ZBBX: variants seen among roughly 807,000 people sequenced by gnomAD.
The protein encoded by ZBBX is zinc finger B-box domain containing, also known as zinc finger B-box domain-containing protein 1.
Under a neutral mutation model 108.5 loss-of-function variants are expected in ZBBX, and 101 were observed. The observed-to-expected ratio is 0.93, with a 90% CI of 0.79 to 1.10. The LOEUF is 1.10. Among genes scored for constraint, ZBBX ranks in the 50% least tolerant of loss-of-function variants. The probability of loss-of-function intolerance (pLI) is 0.00; values close to 1 mark genes in which losing one functional copy is unlikely to be tolerated. For missense variants in ZBBX, 1,009 were observed against 941.4 expected, an observed-to-expected ratio of 1.07 and a Z score of -0.94; for synonymous variants, 356 against 323.4, an observed-to-expected ratio of 1.10 and a Z score of -1.08.
chr3:167,351,606 T>C lies in ZBBX; in HGVS notation c.433-1091A>G, dbSNP rs1023921068. On this transcript the variant is annotated intron_variant, in intron 8 of 21. Transcript: ENST00000675490. ...ACTATGGAGAGATCTAGGAGCCCCATAGGCCTCCACACTGGCCTAGAGAGG... is the reference window on the plus strand; with the variant it reads ...ACTATGGAGAGATCTAGGAGCCCCACAGGCCTCCACACTGGCCTAGAGAGG... 9.2e-5 allele frequency among the ~76,000 whole-genome samples: 14 copies of C among 152,232 alleles called. 1 individual carries two copies. In the Middle Eastern group the frequency reaches 0.017, roughly 185 times the overall value.
At chr3:167,385,636 A>T (rs1747889348) in intron 1 of ZBBX, among the ~76,000 whole-genome samples, 1 of 151,890 alleles carries the variant, frequency 6.6e-6, no homozygotes, top group Non-Finnish European at 1.5e-5. Context: ...TTTTTTCCTT[A>T]TATACTTATC....
intron 9 of ZBBX, among the ~76,000 whole-genome samples, chr3:167,334,648 G>C (rs35322673): frequency 0.02 from 3,069 of 152,238 alleles, 43 homozygotes; most frequent in Non-Finnish European, 0.031. Context: ...ACAGTGCTGA[G>C]TGGGTGCCAG....
intron 20 of ZBBX, among the ~76,000 whole-genome samples, chr3:167,267,064 G>A (rs1037977092): frequency 3.9e-5 from 6 of 152,154 alleles, no homozygotes; most frequent in African/African-American, 1.4e-4. Flanking sequence ...AAGTCACAGG[G>A]GCGACAAAGT....
At position 167,240,561 on chromosome 3, in the gene ZBBX, A is replaced by G; in HGVS notation, c.*232T>C. ...TAACAGTTATTTCTTCAAATTCACC[A>G]TATTTTACTAACATAATCTGCAATA... On this transcript the variant is annotated 3_prime_UTR_variant, in exon 22 of 22. Coordinates refer to ENST00000675490, the MANE Select transcript of ZBBX (RefSeq NM_001199201.2). 3.0e-6 allele frequency: 1 copy of G among 329,208 alleles called. No homozygotes were observed. Among genetic ancestry groups the G allele is most frequent in the Non-Finnish European group, 5.5e-6 (1 of 180,632 alleles). 20.4% of individuals were successfully genotyped at this position (329,208 alleles called of 1,614,324 possible). A position where few individuals can be genotyped will look rare whatever the true frequency, so the allele number is the denominator to read the frequency against.
At chr3:167,181,532 T>C in the ZBBX span, among the ~76,000 whole-genome samples, 3 of 152,346 alleles carry the variant, frequency 2.0e-5, no homozygotes, top group South Asian at 2.1e-4. Context: ...AACAAACTTT[T>C]ACATTTCTTT....
At chr3:167,329,004 T>G (rs1410102469) in intron 10 of ZBBX, among the ~76,000 whole-genome samples, 2 of 152,200 alleles carry the variant, frequency 1.3e-5, no homozygotes, top group Admixed American at 6.5e-5. Flanking sequence ...TTTTTCTTAG[T>G]GCCAAGACCT....
intron 20 of ZBBX, among the ~76,000 whole-genome samples, chr3:167,276,446 T>TGCAGAAGCC (rs1727593369): frequency 6.6e-6 from 1 of 152,034 alleles, no homozygotes; most frequent in South Asian, 2.1e-4. Flanking sequence ...ATGTGAAGAA[T>TGCAGAAGCC]GCAGAAGCCT....
chr3:167,382,988 ACC>A (rs1747798726), upstream of ZBBX, among the ~76,000 whole-genome samples: 1 of 152,176 alleles, frequency 6.6e-6, no homozygotes, highest in Non-Finnish European at 1.5e-5. Flanking sequence ...ACAGTCAGCT[ACC>A]AAATTTTCTT....
the ZBBX span, among the ~76,000 whole-genome samples, chr3:167,224,806 TA>T: frequency 6.6e-6 from 1 of 151,920 alleles, no homozygotes; most frequent in Non-Finnish European, 1.5e-5. Context: ...TCTCCCAATT[TA>T]ACTTAAAACT....
the ZBBX span, among the ~76,000 whole-genome samples, chr3:167,213,805 G>T: frequency 6.6e-6 from 1 of 151,968 alleles, no homozygotes; most frequent in Non-Finnish European, 1.5e-5. Context: ...ACCTACAAAG[G>T]GCTCCCTATC....
intron 20 of ZBBX, among the ~76,000 whole-genome samples, chr3:167,252,989 T>A (rs1010151716): frequency 6.6e-6 from 1 of 152,232 alleles, no homozygotes; most frequent in Non-Finnish European, 1.5e-5. Context: ...AATTGGCCTG[T>A]AATGTAACAA....
At chr3:167,287,954 G>A (rs1212785041) in intron 19 of ZBBX, among the ~76,000 whole-genome samples, 2 of 151,996 alleles carry the variant, frequency 1.3e-5, no homozygotes, top group African/African-American at 2.4e-5. Flanking sequence ...ATATAGAGAG[G>A]CAAATCATAT....
intron 20 of ZBBX, among the ~76,000 whole-genome samples, chr3:167,276,325 A>G (rs1727570334): frequency 6.6e-6 from 1 of 151,618 alleles, no homozygotes. Flanking sequence ...CCAAAGGCAA[A>G]GAAGTTGAAA....
intron 6 of ZBBX, among the ~76,000 whole-genome samples, chr3:167,365,068 T>G (rs1162494483): frequency 1.3e-5 from 2 of 151,946 alleles, no homozygotes; most frequent in African/African-American, 4.8e-5. Context: ...CTGTTTCTAG[T>G]GAGATAAGTT....
At chr3:167,368,808 G>A in intron 4 of ZBBX, 1 of 1,001,700 alleles carries the variant, frequency 1.0e-6, no homozygotes, top group Non-Finnish European at 1.2e-6. Context: ...TACATTGCTA[G>A]GGGTTCAAAA....
intron 8 of ZBBX, among the ~76,000 whole-genome samples, chr3:167,354,302 A>G (rs1313577195): frequency 1.3e-5 from 2 of 151,914 alleles, no homozygotes; most frequent in African/African-American, 4.8e-5. Flanking sequence ...TTTACACATC[A>G]TAAAGTCAAA....
At chr3:167,245,310 C>A (rs776264444) in intron 20 of ZBBX, among the ~76,000 whole-genome samples, 4 of 152,180 alleles carry the variant, frequency 2.6e-5, no homozygotes, top group Non-Finnish European at 4.4e-5. Context: ...TTGCAGTGAG[C>A]TGAGATCGCA....
At chr3:167,341,237 T>C (rs1284507077) in intron 9 of ZBBX, among the ~76,000 whole-genome samples, 6 of 151,882 alleles carry the variant, frequency 4.0e-5, no homozygotes, top group African/African-American at 1.4e-4. Context: ...CCTGGACACA[T>C]GCTCCTGCTT....
chr3:167,316,630 T>A (rs1049990486), intron 14 of ZBBX, among the ~76,000 whole-genome samples: 7 of 152,092 alleles, frequency 4.6e-5, no homozygotes, highest in Non-Finnish European at 1.0e-4. Context: ...AAACTAAATT[T>A]ACACTTATAT....
Sources: allele counts gnomAD v4.1 joint callset (sites outside exome capture counted in the v4.1 genomes callset), GRCh38; gene constraint gnomAD v4.1.1; transcripts MANE v1.5; gene names NCBI Gene and HGNC (gene_info 2026-07-23, HGNC 2026-07-21).